Variants in PPM1H observed in about 807,000 individuals in gnomAD.
PPM1H encodes the protein protein phosphatase, Mg2+/Mn2+ dependent 1H, also known as protein phosphatase 1H.
PPM1H carries 27 observed loss-of-function variants against 54.9 expected under a neutral mutation model. That is an observed-to-expected ratio of 0.49 (90% CI 0.36 to 0.68). The LOEUF (loss-of-function observed/expected upper bound fraction) is 0.68, where lower values mean the gene tolerates loss of function less well. Ranked by LOEUF, PPM1H falls within the 30% of genes least tolerant of loss-of-function variation. The pLI is 0.00. For synonymous variants in PPM1H, 305 were observed against 270.8 expected (o/e 1.13, Z -1.24); for missense variants, 596 against 667.8 (o/e 0.89, Z 1.19).
At chr12:62,773,189 T>TTTC (rs1218910167) in intron 4 of PPM1H, among the ~76,000 whole-genome samples, 1 of 150,934 alleles carries the variant, frequency 6.6e-6, no homozygotes, top group Non-Finnish European at 1.5e-5. Context: ...CACAAAGGCA[T>TTTC]GAAGCCTGGG....
intron 1 of PPM1H, among the ~76,000 whole-genome samples, chr12:62,877,356 C>T (rs1349984027): frequency 6.6e-6 from 1 of 152,218 alleles, no homozygotes; most frequent in Non-Finnish European, 1.5e-5. Flanking sequence ...AGGCACTAAG[C>T]ACTTTCTGCA....
At chr12:62,882,928 C>T (rs1171327438) in intron 1 of PPM1H, among the ~76,000 whole-genome samples, 4 of 152,098 alleles carry the variant, frequency 2.6e-5, no homozygotes, top group Non-Finnish European at 5.9e-5. Flanking sequence ...CCGCCACTCC[C>T]CAGCCCCATC....
Position 62,677,130 on chromosome 12 carries a change from A to G in PPM1H, c.1246-9801T>C, listed in dbSNP as rs1474339091. On this transcript the variant is annotated intron_variant, in intron 8 of 9. Transcript: ENST00000228705. ...GGGTCTCATCTCCACTGAGGGCTGC[A>G]CTCATCAGGATGACCTGCCTGTGGA... Among the ~76,000 whole-genome samples, 4 of 152,068 alleles carry G rather than the reference A, an allele frequency of 2.6e-5. No individual in the cohort carries two copies. In the South Asian group the frequency reaches 6.2e-4, roughly 24 times the overall value.
chr12:62,663,333 T>TAAA (rs111636918), intron 9 of PPM1H, among the ~76,000 whole-genome samples: 1 of 124,498 alleles, frequency 8.0e-6, no homozygotes, highest in African/African-American at 2.6e-5. Flanking sequence ...CAATTCTCTT[T>TAAA]TAAAAAAAAA....
At chr12:62,756,550 T>C (rs4026220) in intron 4 of PPM1H, among the ~76,000 whole-genome samples, 1,876 of 152,174 alleles carry the variant, frequency 0.012, 28 homozygotes, top group African/African-American at 0.043. Context: ...TTTATAAATA[T>C]ACAAAATAAA....
intron 4 of PPM1H, among the ~76,000 whole-genome samples, chr12:62,760,862 AGT>A (rs1477632226): frequency 5.3e-5 from 8 of 152,244 alleles, no homozygotes; most frequent in Non-Finnish European, 1.0e-4. Flanking sequence ...GTAAGCACTG[AGT>A]CCCAGGTTAA....
At chr12:62,717,786 T>C (rs2076243729) in intron 6 of PPM1H, among the ~76,000 whole-genome samples, 2 of 152,220 alleles carry the variant, frequency 1.3e-5, no homozygotes. Flanking sequence ...GTGGAACCTT[T>C]ACAGCCTTTG....
intron 1 of PPM1H, among the ~76,000 whole-genome samples, chr12:62,910,269 T>A (rs1035463948): frequency 1.1e-4 from 16 of 152,230 alleles, no homozygotes; most frequent in African/African-American, 3.4e-4. Context: ...ATTATCAAAT[T>A]GTGATTAAGT....
At chr12:62,855,459 G>A (rs1869349094) in intron 1 of PPM1H, among the ~76,000 whole-genome samples, 1 of 152,140 alleles carries the variant, frequency 6.6e-6, no homozygotes, top group South Asian at 2.1e-4. Flanking sequence ...GGTTGTCATG[G>A]AATGAAGCCC....
chr12:62,918,817 G>A (rs549079316), intron 1 of PPM1H, among the ~76,000 whole-genome samples: 298 of 152,282 alleles, frequency 2.0e-3, no homozygotes, highest in Admixed American at 5.4e-3. Flanking sequence ...TCCATTTGAA[G>A]TGAAAAAACT....
At chr12:62,863,653 A>G (rs1869682751) in intron 1 of PPM1H, among the ~76,000 whole-genome samples, 1 of 152,214 alleles carries the variant, frequency 6.6e-6, no homozygotes, top group Admixed American at 6.5e-5. Context: ...TCTGACTCTT[A>G]CTATAGGCAC....
chr12:62,775,915 G>C (rs953950517), intron 4 of PPM1H, among the ~76,000 whole-genome samples: 2 of 152,206 alleles, frequency 1.3e-5, no homozygotes, highest in Non-Finnish European at 2.9e-5. Flanking sequence ...AAGAAAAAGA[G>C]GTTTAATCGA....
At chr12:62,819,861 T>C (rs986127332) in intron 2 of PPM1H, among the ~76,000 whole-genome samples, 7 of 152,238 alleles carry the variant, frequency 4.6e-5, no homozygotes, top group Non-Finnish European at 8.8e-5. Context: ...GTGGGATTGA[T>C]GCAGAAGACA....
chr12:62,680,267 C>G (rs1348609058), intron 8 of PPM1H, among the ~76,000 whole-genome samples: 1 of 150,700 alleles, frequency 6.6e-6, no homozygotes, highest in East Asian at 1.9e-4. Context: ...CTCTTTCCCC[C>G]TCCCCTCCCT....
chr12:62,876,488 T>C (rs764033719), intron 1 of PPM1H, among the ~76,000 whole-genome samples: 1 of 152,104 alleles, frequency 6.6e-6, no homozygotes, highest in Non-Finnish European at 1.5e-5. Context: ...AACTAACCTA[T>C]GAAGGCAAGT....
intron 4 of PPM1H, among the ~76,000 whole-genome samples, chr12:62,772,059 T>G (rs1185480690): frequency 6.6e-6 from 1 of 152,210 alleles, no homozygotes; most frequent in Non-Finnish European, 1.5e-5. Context: ...CAGTAAGTGA[T>G]AGAATTAGGA....
intron 6 of PPM1H, among the ~76,000 whole-genome samples, chr12:62,694,285 T>C (rs1274876384): frequency 3.3e-5 from 5 of 152,144 alleles, no homozygotes; most frequent in Admixed American, 6.5e-5. Context: ...GTCTGTGTAA[T>C]AATGAAGTGA....
intron 1 of PPM1H, among the ~76,000 whole-genome samples, chr12:62,867,461 G>A (rs576691640): frequency 6.6e-6 from 1 of 150,412 alleles, no homozygotes; most frequent in East Asian, 2.0e-4. Flanking sequence ...CCATATTAGT[G>A]CTAAATATAA....
intron 1 of PPM1H, among the ~76,000 whole-genome samples, chr12:62,893,440 G>A (rs1870871110): frequency 6.6e-6 from 1 of 151,956 alleles, no homozygotes; most frequent in African/African-American, 2.4e-5. Context: ...TAATGAATTA[G>A]GGCCCACTTG....
Sources: gnomAD v4.1 joint callset for allele counts (sites outside exome capture counted in the v4.1 genomes callset) on GRCh38, gnomAD v4.1.1 for gene constraint, MANE v1.5 for transcripts, NCBI Gene and HGNC (gene_info 2026-07-23, HGNC 2026-07-21) for gene names.